Variants in SYT9 observed in about 807,000 individuals in gnomAD.
SYT9 encodes the protein synaptotagmin 9, also known as synaptotagmin-9.
In SYT9, 22 loss-of-function variants were observed where a neutral mutation model predicts 48.4. The observed-to-expected ratio is 0.45, with a 90% CI of 0.32 to 0.65. The LOEUF is 0.65. Ranked by LOEUF, SYT9 falls within the 30% of genes least tolerant of loss-of-function variation. The pLI is 0.03. For synonymous variants in SYT9, 265 were observed against 245.0 expected (o/e 1.08, Z -0.76); for missense variants, 577 against 622.0 (o/e 0.93, Z 0.77).
intron 3 of SYT9, among the ~76,000 whole-genome samples, chr11:7,392,632 T>A (rs1197096263): frequency 6.6e-6 from 1 of 152,226 alleles, no homozygotes; most frequent in Non-Finnish European, 1.5e-5. Context: ...TTTTTCTAAT[T>A]CTGTGAAAAA....
chr11:7,276,083 GAC>G (rs778903060), intron 1 of SYT9, among the ~76,000 whole-genome samples: 2 of 152,012 alleles, frequency 1.3e-5, no homozygotes, highest in Non-Finnish European at 2.9e-5. Context: ...CCCACCCCCA[GAC>G]TGATTTCTGT....
intron 6 of SYT9, among the ~76,000 whole-genome samples, chr11:7,458,907 GAT>G (rs1848196768): frequency 6.6e-6 from 1 of 152,222 alleles, no homozygotes; most frequent in African/African-American, 2.4e-5. Context: ...AGTTATCACT[GAT>G]CTCTCTGCTG....
chr11:7,314,822 G>A (rs766793962), intron 3 of SYT9, among the ~76,000 whole-genome samples: 37 of 152,160 alleles, frequency 2.4e-4, no homozygotes, highest in Non-Finnish European at 3.8e-4. Context: ...TGAGGCCAGC[G>A]TAGCTCTCTT....
At chr11:7,427,454 G>A (rs2134113844) in intron 6 of SYT9, 1 of 152,330 alleles carries the variant, frequency 6.6e-6, no homozygotes, top group Admixed American at 6.5e-5. Context: ...GATGTAGGCA[G>A]CCAAGTCCTA....
chr11:7,343,676 C>T (rs1031660067), intron 3 of SYT9, among the ~76,000 whole-genome samples: 55 of 152,218 alleles, frequency 3.6e-4, no homozygotes, highest in Admixed American at 5.9e-4. Flanking sequence ...TCCAAAGTCA[C>T]TTCCACATTT....
intron 3 of SYT9, among the ~76,000 whole-genome samples, chr11:7,390,408 G>A (rs1564886791): frequency 1.3e-5 from 2 of 152,076 alleles, no homozygotes; most frequent in African/African-American, 4.8e-5. Flanking sequence ...ACATACTCAA[G>A]CAAAATGAGC....
rs35502843 is a variant in SYT9 at position 7,367,072 on chromosome 11, C to CTTTTTTTTTTTTTTTTT, written c.1045-48960_1045-48944dup. Among the ~76,000 whole-genome samples the CTTTTTTTTTTTTTTTTT allele has an allele frequency of 1.5e-4, 8 of 53,262 alleles. 2 individuals carry two copies. Among genetic ancestry groups the CTTTTTTTTTTTTTTTTT allele is most frequent in the Admixed American group, 8.3e-4 (3 of 3,636 alleles). 34.9% of individuals were successfully genotyped at this position (53,262 alleles called of 152,430 possible). A position where few individuals can be genotyped will look rare whatever the true frequency, so the allele number is the denominator to read the frequency against. ...ATTACCCTTCTTTCCAGGAGACCAT[C>CTTTTTTTTTTTTTTTTT]TTTTTTTTTTTTTTTTTTTTTTTTT... On this transcript the variant is annotated intron_variant, in intron 3 of 6. Coordinates refer to ENST00000318881, the MANE Select transcript of SYT9 (RefSeq NM_175733.4).
chr11:7,397,661 T>G (rs7933689), intron 3 of SYT9, among the ~76,000 whole-genome samples: 22,955 of 152,082 alleles, frequency 0.15, 2,451 homozygotes, highest in African/African-American at 0.3. Context: ...GCATGGAAAC[T>G]CTTCATATAT....
intron 3 of SYT9, among the ~76,000 whole-genome samples, chr11:7,337,546 C>T (rs1478915144): frequency 5.9e-5 from 9 of 151,994 alleles, no homozygotes; most frequent in Non-Finnish European, 1.5e-5. Context: ...CCTTCAAGGC[C>T]TAGTTTATTA....
chr11:7,427,323 A>G (rs1428919758), intron 6 of SYT9: 1 of 152,224 alleles, frequency 6.6e-6, no homozygotes, highest in African/African-American at 2.4e-5. Flanking sequence ...ATGAAAAGGG[A>G]CCAATTCCTC....
Position 7,313,700 on chromosome 11 carries a change from G to A in SYT9, c.803G>A (p.Arg268Gln), listed in dbSNP as rs765447258. 1.5e-5 allele frequency: 25 copies of A among 1,613,966 alleles called. No homozygotes were observed. Among genetic ancestry groups the A allele is most frequent in the Admixed American group, 5.0e-5 (3 of 59,992 alleles). The change falls in exon 3 of 7, where the codon CGG becomes CAG. Residue 268 changes from arginine (R) to glutamine (Q), a missense_variant. Transcript: ENST00000318881. ...GTCAAGATCTATTTGCTTCCTGATC[G>A]GAAAACAAAACACCAGACTAAAGTT... ...PYVKIYLLPD[R>Q]KTKHQTKVHR...
chr11:7,328,380 T>G (rs1334085590), intron 3 of SYT9, among the ~76,000 whole-genome samples: 1 of 152,152 alleles, frequency 6.6e-6, no homozygotes, highest in Non-Finnish European at 1.5e-5. Context: ...GACCCCATTT[T>G]ACTTTCTCCC....
intron 2 of SYT9, among the ~76,000 whole-genome samples, chr11:7,312,007 T>G (rs1849144057): frequency 6.8e-6 from 1 of 146,978 alleles, no homozygotes; most frequent in Non-Finnish European, 1.5e-5. Context: ...GATTAAAATC[T>G]CCCTTCAGCA....
At chr11:7,358,191 C>T (rs137906318) in intron 3 of SYT9, among the ~76,000 whole-genome samples, 27 of 150,028 alleles carry the variant, frequency 1.8e-4, no homozygotes, top group African/African-American at 5.8e-4. Context: ...TAATAATGGT[C>T]TTCTTAAAAT....
intron 3 of SYT9, among the ~76,000 whole-genome samples, chr11:7,396,668 C>T (rs1474859382): frequency 1.3e-5 from 2 of 152,138 alleles, no homozygotes; most frequent in Non-Finnish European, 2.9e-5. Context: ...GAAACTGCCA[C>T]ATTTGCCTTT....
At position 7,466,940 on chromosome 11, in the gene SYT9, C is replaced by A; in HGVS notation, c.*140C>A. 9.3e-7 allele frequency: 1 copy of A among 1,080,400 alleles called. No homozygotes were observed. The highest frequency in any genetic ancestry group is 2.2e-5 in the Admixed American group (1 of 45,050). The allele number at this position is 1,080,400 out of a possible 1,614,324, so 66.9% of individuals were successfully genotyped here. ...CAGCTGTAACCACAGCACTAACTGGCCTTCTTTCCAGATTGGGTTTGGTGA... is the reference window on the plus strand; with the variant it reads ...CAGCTGTAACCACAGCACTAACTGGACTTCTTTCCAGATTGGGTTTGGTGA... On this transcript the variant is annotated 3_prime_UTR_variant, in exon 7 of 7. Transcript: ENST00000318881.
chr11:7,410,254 C>A (rs1207590388), intron 3 of SYT9, among the ~76,000 whole-genome samples: 1 of 152,072 alleles, frequency 6.6e-6, no homozygotes, highest in Non-Finnish European at 1.5e-5. Context: ...GTTTTGTGAC[C>A]TAACATATGC....
intron 3 of SYT9, among the ~76,000 whole-genome samples, chr11:7,334,443 G>T (rs1040436393): frequency 3.3e-5 from 5 of 152,168 alleles, no homozygotes; most frequent in African/African-American, 1.2e-4. Flanking sequence ...GCAGATTCCA[G>T]AAATTATTTA....
intron 2 of SYT9, among the ~76,000 whole-genome samples, chr11:7,305,961 T>A (rs1014950877): frequency 3.3e-5 from 5 of 152,016 alleles, no homozygotes; most frequent in Admixed American, 3.3e-4. Context: ...TTTTGAAATG[T>A]CCTAAAGATG....
Sources: allele counts gnomAD v4.1 joint callset (sites outside exome capture counted in the v4.1 genomes callset), GRCh38; gene constraint gnomAD v4.1.1; transcripts MANE v1.5; gene names NCBI Gene and HGNC (gene_info 2026-07-23, HGNC 2026-07-21).